SYNJ2: variants seen among roughly 807,000 people sequenced by gnomAD.
The protein encoded by SYNJ2 is synaptojanin 2.
A neutral mutation model predicts 141.3 loss-of-function variants in SYNJ2; 116 were observed. That is an observed-to-expected ratio of 0.82 (90% CI 0.71 to 0.96). The LOEUF (loss-of-function observed/expected upper bound fraction) is 0.96, where lower values mean the gene tolerates loss of function less well. Ranked by LOEUF, SYNJ2 falls within the 40% of genes least tolerant of loss-of-function variation. SYNJ2 has a pLI of 0.00. For synonymous variants in SYNJ2, 745 were observed against 777.7 expected (o/e 0.96, Z 0.70); for missense variants, 1,873 against 1,934.8 (o/e 0.97, Z 0.60).
intron 8 of SYNJ2, 89 bp from the exon 9 acceptor site, chr6:158,063,702 G>T: frequency 1.3e-6 from 1 of 771,142 alleles, no homozygotes; most frequent in Non-Finnish European, 2.1e-6. Context: ...GTTTCCTTGG[G>T]AGTCAAAAGT....
chr6:158,064,606 G>A lies in SYNJ2; in HGVS notation c.1215G>A (p.Leu405=). ...TVQSFIALEV[L]HLQLKTLGLS... is the part of the protein sequence containing the mutation. Reference sequence around the variant, plus strand: ...CATCCCTTATTCCTCCCCAGGTCCTGCATCTGCAGCTCAAGACCCTGGGGC... The same window carrying A: ...CATCCCTTATTCCTCCCCAGGTCCTACATCTGCAGCTCAAGACCCTGGGGC... The change falls in exon 10 of 27, where the codon CTG becomes CTA. Residue 405 remains leucine, a synonymous_variant. Transcript: ENST00000355585. 1 of 1,613,774 alleles carries A rather than the reference G, an allele frequency of 6.2e-7. No individual in the cohort carries two copies. The highest frequency in any genetic ancestry group is 8.5e-7 in the Non-Finnish European group (1 of 1,179,920).
At chr6:158,048,916 T>TA (rs1433597795) in intron 5 of SYNJ2, among the ~76,000 whole-genome samples, 1 of 151,768 alleles carries the variant, frequency 6.6e-6, no homozygotes, top group Non-Finnish European at 1.5e-5. Context: ...CTGCAAGAGG[T>TA]AGAGACACAA....
intron 2 of SYNJ2, among the ~76,000 whole-genome samples, chr6:158,019,874 T>G (rs1778665701): frequency 6.6e-6 from 1 of 152,264 alleles, no homozygotes; most frequent in Non-Finnish European, 1.5e-5. Context: ...AATCAAGTTT[T>G]TTCAGTCCCC....
In SYNJ2 at chr6:158,043,211, A is replaced by G; in HGVS notation, c.712-105A>G. 1 of 975,116 alleles carries G rather than the reference A, an allele frequency of 1.0e-6. No homozygotes were observed. 60.4% of individuals were successfully genotyped at this position (975,116 alleles called of 1,614,324 possible). On this transcript the variant is annotated intron_variant, in intron 4 of 26. Transcript: ENST00000355585. This position sits in a 1 kb window ranked among gnomAD's most constrained non-coding sequence, Gnocchi z 4.0. Reference sequence around the variant, plus strand: ...CGCCGGAGTCCACCGTCCGCCCTTCATTCTGGCTGGTGTCGGGTCACAGGT... The same window carrying G: ...CGCCGGAGTCCACCGTCCGCCCTTCGTTCTGGCTGGTGTCGGGTCACAGGT...
chr6:158,091,325 AAAAAG>A (rs1404680160), intron 25 of SYNJ2, among the ~76,000 whole-genome samples: 1 of 151,968 alleles, frequency 6.6e-6, no homozygotes, highest in Non-Finnish European at 1.5e-5. Flanking sequence ...CAAAAAAAGA[AAAAAG>A]AAAGAAAGAA....
intron 1 of SYNJ2, among the ~76,000 whole-genome samples, chr6:157,983,423 T>C (rs1176712107): frequency 6.6e-6 from 1 of 152,202 alleles, no homozygotes. Context: ...GAAATTTCCA[T>C]TCCATTTTAG....
chr6:158,019,222 C>T (rs931165377), intron 2 of SYNJ2, among the ~76,000 whole-genome samples: 2 of 152,166 alleles, frequency 1.3e-5, no homozygotes, highest in South Asian at 2.1e-4. Context: ...GACTGGGATT[C>T]GACGAATTAC....
At position 158,061,856 on chromosome 6, in the gene SYNJ2, C is replaced by T. The variant is rs1157140466; in HGVS notation, c.955-136C>T. On this transcript the variant is annotated intron_variant, in intron 7 of 26. Transcript: ENST00000355585. ...CTTTTGGGGTCAACTGCCTGGTCCA[C>T]TGTGAGCTTCCAGCTAAAGCACGTC... 1.1e-5 allele frequency: 10 copies of T among 888,686 alleles called. No homozygotes were observed. In the East Asian group the frequency reaches 2.4e-4, roughly 22 times the overall value. 55.1% of individuals were successfully genotyped at this position (888,686 alleles called of 1,614,324 possible). A position where few individuals can be genotyped will look rare whatever the true frequency, so the allele number is the denominator to read the frequency against.
Position 158,062,178 on chromosome 6 carries a change from C to T in SYNJ2, c.1127+14C>T, listed in dbSNP as rs771259132. 2.2e-5 allele frequency: 35 copies of T among 1,608,564 alleles called. No homozygotes were observed. The highest frequency in any genetic ancestry group is 1.5e-4 in the African/African-American group (11 of 74,754). On this transcript the variant is annotated intron_variant, in intron 8 of 26. Coordinates refer to ENST00000355585, the MANE Select transcript of SYNJ2 (RefSeq NM_003898.4). ...CGTCAGTCCACGGTGAGGCTCGCTG[C>T]GCACTGTGCCGCGTCTTCTGCTGGG...
intron 3 of SYNJ2, 104 bp from the exon 4 acceptor site, chr6:158,033,351 G>A (rs912834001): frequency 8.0e-7 from 1 of 1,254,748 alleles, no homozygotes; most frequent in African/African-American, 1.5e-5. Context: ...GACCCGAAAT[G>A]CTGCACCGTG....
intron 2 of SYNJ2, among the ~76,000 whole-genome samples, chr6:158,019,683 G>A (rs556221758): frequency 1.1e-4 from 16 of 152,346 alleles, no homozygotes; most frequent in Admixed American, 2.0e-4. Flanking sequence ...GCCCTGCTCC[G>A]AGGCTTTGGG....
intron 1 of SYNJ2, among the ~76,000 whole-genome samples, chr6:157,993,109 T>G (rs1365709081): frequency 6.7e-6 from 1 of 150,330 alleles, no homozygotes; most frequent in East Asian, 2.0e-4. Context: ...ATATAGTATA[T>G]AACATATATA....
In SYNJ2 at chr6:158,043,096, C is replaced by A. The variant is rs1029524421; in HGVS notation, c.712-220C>A. Among the ~76,000 whole-genome samples, 4 of 152,144 alleles carry A rather than the reference C, an allele frequency of 2.6e-5. No individual in the cohort carries two copies. Among genetic ancestry groups the A allele is most frequent in the Admixed American group, 2.6e-4 (4 of 15,276 alleles). Reference sequence around the variant, plus strand: ...CTGGGAGGCCCCAACCCCCAGCAGACCCCCTCCTCAGAGGCTGGTCGACAG... The same window carrying A: ...CTGGGAGGCCCCAACCCCCAGCAGAACCCCTCCTCAGAGGCTGGTCGACAG... On this transcript the variant is annotated intron_variant, in intron 4 of 26. Transcript: ENST00000355585. This position sits in a 1 kb window ranked among gnomAD's most constrained non-coding sequence, Gnocchi z 4.0.
rs1350293877 is a variant in SYNJ2 at position 158,083,437 on chromosome 6, C to CCTCT, written c.2874_2875insCTCT (p.Arg959LeufsTer2). 11 of 1,613,824 alleles carry CCTCT rather than the reference C, an allele frequency of 6.8e-6. No homozygotes were observed. The highest frequency in any genetic ancestry group is 9.3e-6 in the Non-Finnish European group (11 of 1,179,902). The stretch of plus-strand genomic sequence containing the variant: ...CCGCTCTGCCCTCCCAGGTGAAAGG[C>CCTCT]AGAGCAGTGAAGATTAGACCGAAGA... On this transcript the variant is annotated frameshift_variant, in exon 21 of 27. Coordinates refer to ENST00000355585, the MANE Select transcript of SYNJ2 (RefSeq NM_003898.4). LOFTEE classifies it high-confidence loss of function.
Position 158,069,515 on chromosome 6 carries a change from T to C in SYNJ2, c.1800-18T>C. Reference sequence around the variant, plus strand: ...TTCCAGCTACCTGTAAACAGCATCCTTTCCTTTTCTCTTCCAGTACTACCA... The same window carrying C: ...TTCCAGCTACCTGTAAACAGCATCCCTTCCTTTTCTCTTCCAGTACTACCA... On this transcript the variant is annotated intron_variant, in intron 13 of 26. Coordinates refer to ENST00000355585, the MANE Select transcript of SYNJ2 (RefSeq NM_003898.4). 6.2e-7 allele frequency: 1 copy of C among 1,608,330 alleles called. No homozygotes were observed. The highest frequency in any genetic ancestry group is 8.5e-7 in the Non-Finnish European group (1 of 1,175,998).
chr6:158,049,455 C>T (rs1015328773), intron 5 of SYNJ2, among the ~76,000 whole-genome samples: 2 of 152,098 alleles, frequency 1.3e-5, no homozygotes, highest in African/African-American at 2.4e-5. Flanking sequence ...CACGGGGTGA[C>T]GGAGGAAGGG....
At chr6:158,061,487 A>C (rs576823153) in intron 7 of SYNJ2, among the ~76,000 whole-genome samples, 1 of 152,262 alleles carries the variant, frequency 6.6e-6, no homozygotes, top group East Asian at 1.9e-4. Flanking sequence ...TGTGGGACCC[A>C]CCTGGGCCAC....
chr6:158,020,537 G>A (rs560878023), intron 2 of SYNJ2, among the ~76,000 whole-genome samples: 6 of 151,540 alleles, frequency 4.0e-5, no homozygotes, highest in Non-Finnish European at 8.8e-5. Flanking sequence ...CTGACTCTGT[G>A]TGACTGACTC....
chr6:158,020,549 A>G (rs1030745754), intron 2 of SYNJ2, among the ~76,000 whole-genome samples: 4 of 150,518 alleles, frequency 2.7e-5, no homozygotes, highest in Non-Finnish European at 5.9e-5. Context: ...GACTGACTCC[A>G]CCTGTATGAC....
Sources: allele counts gnomAD v4.1 joint callset (sites outside exome capture counted in the v4.1 genomes callset), GRCh38; gene constraint gnomAD v4.1.1; non-coding constraint Gnocchi (gnomAD v3.1); transcripts MANE v1.5; gene names NCBI Gene and HGNC (gene_info 2026-07-23, HGNC 2026-07-21).